Variants in SHANK2 observed in about 807,000 individuals in gnomAD.
The protein encoded by SHANK2 is SH3 and multiple ankyrin repeat domains protein 2.
SHANK2 carries 43 observed loss-of-function variants against 133.7 expected under a neutral mutation model. The ratio of observed to expected loss-of-function variants is 0.32; its 90% CI spans 0.25 to 0.41. The LOEUF (loss-of-function observed/expected upper bound fraction) is 0.41, where lower values mean the gene tolerates loss of function less well. SHANK2 is among the 10% of genes least tolerant of loss of function. SHANK2 has a pLI of 1.00. For missense variants in SHANK2, 1,994 were observed against 2,235.8 expected (o/e 0.89, Z 2.18); for synonymous variants, 1,017 against 952.8 (o/e 1.07, Z -1.24).
chr11:71,206,361 G>A (rs1555117994), intron 2 of SHANK2, among the ~76,000 whole-genome samples: 1 of 152,158 alleles, frequency 6.6e-6, no homozygotes, highest in Non-Finnish European at 1.5e-5. Context: ...ACAGCTGTTG[G>A]AAGCCAACTC....
chr11:71,235,831 G>A (rs1954820080), intron 1 of SHANK2, among the ~76,000 whole-genome samples: 1 of 152,192 alleles, frequency 6.6e-6, no homozygotes, highest in African/African-American at 2.4e-5. Context: ...CACAGCCTGT[G>A]GGGAGTGGCT....
At chr11:70,599,897 GAAAGAAAGAGAA>G (rs2060460911) in intron 17 of SHANK2, among the ~76,000 whole-genome samples, 2 of 89,468 alleles carry the variant, frequency 2.2e-5, no homozygotes, top group African/African-American at 9.0e-5. Flanking sequence ...GAAAAAGAAA[GAAAGAAAGAGAA>G]AGAAAGAAAG....
intron 3 of SHANK2, among the ~76,000 whole-genome samples, chr11:71,144,350 G>C (rs1261628903): frequency 2.6e-5 from 4 of 152,288 alleles, no homozygotes; most frequent in South Asian, 2.1e-4. Context: ...ATGAAACCAG[G>C]GAAGGTGATG....
intron 14 of SHANK2, among the ~76,000 whole-genome samples, chr11:70,780,884 A>T (rs1555044981): frequency 1.3e-5 from 2 of 152,148 alleles, no homozygotes. Context: ...TCAAAGACAG[A>T]ACTTCTGTTT....
intron 14 of SHANK2, among the ~76,000 whole-genome samples, chr11:70,702,588 C>T (rs1447206304): frequency 6.6e-6 from 1 of 152,234 alleles, no homozygotes; most frequent in Non-Finnish European, 1.5e-5. Context: ...CAATCATCTT[C>T]TTCACCATCA....
chr11:71,233,743 A>G (rs1954783356), intron 1 of SHANK2, among the ~76,000 whole-genome samples: 1 of 152,188 alleles, frequency 6.6e-6, no homozygotes, highest in Admixed American at 6.5e-5. Flanking sequence ...GAATTACTGA[A>G]CTATTTAAAA....
intron 17 of SHANK2, among the ~76,000 whole-genome samples, chr11:70,619,021 C>G (rs1365602790): frequency 2.0e-5 from 3 of 152,202 alleles, no homozygotes; most frequent in Non-Finnish European, 4.4e-5. Context: ...TACCCACACC[C>G]TTCGTCCTGC....
intron 17 of SHANK2, among the ~76,000 whole-genome samples, chr11:70,525,001 G>A (rs926063133): frequency 2.0e-5 from 3 of 152,228 alleles, no homozygotes; most frequent in Admixed American, 6.5e-5. Flanking sequence ...AAGCCTGCCC[G>A]CTTCTAGTGG....
At position 71,092,424 on chromosome 11, in the gene SHANK2, G is replaced by T; in HGVS notation, c.910C>A (p.Gln304Lys). The change falls in exon 8 of 26, where the codon CAG (glutamine) becomes AAG (lysine). Residue 304 changes from glutamine to lysine, a missense_variant and splice_region_variant. This residue lies in a region of SHANK2 where 653 missense variants were observed against 563.4 expected (regional missense o/e 1.16). Transcript: ENST00000601538. The stretch of plus-strand genomic sequence containing the variant: ...AGTGGAGAAGCGGGCCCACGTACCT[G>T]GTGGATCTCGTGCCAGCCGTTCTCA... ...KDENGWHEIHQACRYGHVQHL... is the reference protein window; with the variant it reads ...KDENGWHEIHKACRYGHVQHL... 1 of 1,551,336 alleles carries T rather than the reference G, an allele frequency of 6.4e-7. No homozygotes were observed. Among genetic ancestry groups the T allele is most frequent in the Non-Finnish European group, 8.7e-7 (1 of 1,146,878 alleles).
Position 70,839,009 on chromosome 11 carries a change from T to C in SHANK2, c.1175-18327A>G, listed in dbSNP as rs1948864057. ...CTTGCCCAGGCCTACAAGCAGCTGG[T>C]GTTGGTGTTTATATAGAATTTGTCC... is the stretch of plus-strand genomic sequence containing the variant. On this transcript the variant is annotated intron_variant, in intron 11 of 25. Transcript: ENST00000601538. Among the ~76,000 whole-genome samples the C allele has an allele frequency of 2.0e-5, 3 of 152,194 alleles. No homozygotes were observed. In the South Asian group the frequency reaches 6.2e-4, roughly 32 times the overall value.
At chr11:70,530,857 T>C (rs782268698) in intron 17 of SHANK2, among the ~76,000 whole-genome samples, 1 of 151,984 alleles carries the variant, frequency 6.6e-6, no homozygotes, top group Non-Finnish European at 1.5e-5. Context: ...TATACTGAAG[T>C]GTATGCTTAA....
In SHANK2 at chr11:70,739,762, T is replaced by G. The variant is rs1946481680; in HGVS notation, c.1778-40999A>C. On this transcript the variant is annotated intron_variant, in intron 14 of 25. Coordinates refer to ENST00000601538, the MANE Select transcript of SHANK2 (RefSeq NM_012309.5). The surrounding 1 kb of genome is among the most constrained non-coding windows in gnomAD (Gnocchi z 4.3). The stretch of plus-strand genomic sequence containing the variant: ...TAAGGTCTTTAAAGAGGTGATTAAG[T>G]TAAAACGAGGTACTGTGATGGGCCC... Among the ~76,000 whole-genome samples, 1 of 152,142 alleles carries G rather than the reference T, an allele frequency of 6.6e-6. No individual in the cohort carries two copies. The highest frequency in any genetic ancestry group is 2.1e-4 in the South Asian group (1 of 4,824).
rs549746741 is a variant in SHANK2, at chr11:70,756,254, G to A, written c.1777+42189C>T. Among the ~76,000 whole-genome samples the A allele has an allele frequency of 5.3e-5, 8 of 152,284 alleles. 1 individual carries two copies. The South Asian group carries it at 1.7e-3, about 32-fold the overall frequency. ...GAAAGCTCCCTTCCTGAATGTCCAG[G>A]CTCTGATGGGAAAGATCCTTTACCT... On this transcript the variant is annotated intron_variant, in intron 14 of 25. Coordinates refer to ENST00000601538, the MANE Select transcript of SHANK2 (RefSeq NM_012309.5).
chr11:70,733,561 G>A (rs1218868886), intron 14 of SHANK2, among the ~76,000 whole-genome samples: 4 of 152,230 alleles, frequency 2.6e-5, no homozygotes, highest in Admixed American at 2.6e-4. Context: ...TCCATTCATG[G>A]GGGTACTGTC....
At position 70,495,030 on chromosome 11, in the gene SHANK2, C is replaced by T. The variant is rs368851074; in HGVS notation, c.2309-2565G>A. On this transcript the variant is annotated intron_variant, in intron 21 of 25. Transcript: ENST00000601538. ...TGCTTCTCAGGGAACTGGTCAGGCA[C>T]GGTAGGAAACACCCGATTCTCATCT... 7.5e-4 allele frequency among the ~76,000 whole-genome samples: 114 copies of T among 152,346 alleles called. 1 individual carries two copies. The highest frequency in any genetic ancestry group is 4.8e-3 in the East Asian group (25 of 5,186).
At chr11:70,825,196 T>A (rs1320179460) in intron 11 of SHANK2, among the ~76,000 whole-genome samples, 1 of 152,128 alleles carries the variant, frequency 6.6e-6, no homozygotes, top group Non-Finnish European at 1.5e-5. Flanking sequence ...GTCCTGGCAG[T>A]TGCTAAGATA....
intron 15 of SHANK2, among the ~76,000 whole-genome samples, chr11:70,673,941 T>C (rs1425343205): frequency 6.6e-6 from 1 of 152,226 alleles, no homozygotes; most frequent in Non-Finnish European, 1.5e-5. Flanking sequence ...CCAAATCCCA[T>C]GGTGAAATTT....
chr11:71,193,797 T>C (rs1279078977), intron 2 of SHANK2, among the ~76,000 whole-genome samples: 4 of 152,216 alleles, frequency 2.6e-5, no homozygotes, highest in Non-Finnish European at 5.9e-5. Context: ...CAGGCACAGA[T>C]TGTTCCAGGG....
At chr11:70,829,151 T>C (rs1339120916) in intron 11 of SHANK2, among the ~76,000 whole-genome samples, 2 of 152,184 alleles carry the variant, frequency 1.3e-5, no homozygotes, top group Admixed American at 1.3e-4. Context: ...TTCTGACTGG[T>C]GGACCAGGCA....
Sources: allele counts gnomAD v4.1 joint callset (sites outside exome capture counted in the v4.1 genomes callset), GRCh38; gene constraint gnomAD v4.1.1; regional missense constraint gnomAD v4.1.1; non-coding constraint Gnocchi (gnomAD v3.1); transcripts MANE v1.5; gene names NCBI Gene and HGNC (gene_info 2026-07-23, HGNC 2026-07-21).